The following LRMDA variants were observed in gnomAD, a reference collection of about 807,000 sequenced individuals.
LRMDA encodes leucine-rich melanocyte differentiation-associated protein.
LRMDA carries 18 observed loss-of-function variants against 29.8 expected under a neutral mutation model. The ratio of observed to expected loss-of-function variants is 0.60; its 90% confidence interval spans 0.42 to 0.90. LRMDA has a LOEUF of 0.90. Among genes scored for constraint, LRMDA ranks in the 40% least tolerant of loss-of-function variants. The pLI is 0.00. For missense variants in LRMDA, 273 were observed against 273.9 expected (o/e 1.00, Z 0.02); for synonymous variants, 125 against 109.4 (o/e 1.14, Z -0.89).
Position 75,879,641 on chromosome 10 carries a change from G to A in LRMDA, c.132-156367G>A, listed in dbSNP as rs188243594. Among the ~76,000 whole-genome samples, 275 of 152,222 alleles carry A rather than the reference G, an allele frequency of 1.8e-3. No homozygotes were observed. The Middle Eastern group carries it at 0.02, about 11-fold the overall frequency. ...GCAAGTGACCTCTCATCCTTTGTTG[G>A]TAGTTTTCACACCAGGATTTGGGGT... On this transcript the variant is annotated intron_variant, in intron 2 of 6. Coordinates refer to ENST00000611255, the MANE Select transcript of LRMDA (RefSeq NM_001305581.2).
At chr10:75,674,102 G>C (rs546886265) in intron 2 of LRMDA, among the ~76,000 whole-genome samples, 2 of 152,182 alleles carry the variant, frequency 1.3e-5, no homozygotes, top group Non-Finnish European at 2.9e-5. Flanking sequence ...TTAATGCTGG[G>C]ACTAGTTTTT....
intron 5 of LRMDA, among the ~76,000 whole-genome samples, chr10:76,180,332 C>T (rs1851022629): frequency 7.3e-6 from 1 of 137,024 alleles, no homozygotes; most frequent in Non-Finnish European, 1.5e-5. Flanking sequence ...GTCACCCCGG[C>T]TGGAGTGCAA....
At chr10:76,044,326 G>C (rs1418076019) in intron 3 of LRMDA, among the ~76,000 whole-genome samples, 1 of 152,088 alleles carries the variant, frequency 6.6e-6, no homozygotes, top group Non-Finnish European at 1.5e-5. Flanking sequence ...ATCCAGTCCT[G>C]GGTATTGGAA....
intron 2 of LRMDA, among the ~76,000 whole-genome samples, chr10:75,537,936 T>C (rs1390818899): frequency 6.6e-6 from 1 of 152,190 alleles, no homozygotes; most frequent in South Asian, 2.1e-4. Context: ...CCTAACCGTG[T>C]ATATACCCTG....
intron 2 of LRMDA, among the ~76,000 whole-genome samples, chr10:75,636,581 TAAG>T (rs1466396405): frequency 3.9e-5 from 6 of 152,174 alleles, no homozygotes; most frequent in Non-Finnish European, 5.9e-5. Flanking sequence ...ATTTATAAAA[TAAG>T]AAATAATAAA....
chr10:76,461,961 G>T (rs1018623296), intron 6 of LRMDA, among the ~76,000 whole-genome samples: 5 of 150,702 alleles, frequency 3.3e-5, no homozygotes, highest in Admixed American at 1.3e-4. Flanking sequence ...TGTAGTCCCA[G>T]CTACTTGGTG....
rs747478610 is a variant in LRMDA at position 76,036,028 on chromosome 10, C to T, written c.152C>T (p.Ala51Val). Residue 51 changes from alanine (A) to valine (V), a missense_variant, in exon 3 of 7, where the codon GCA becomes GTA. Ala to Val is a moderately conservative substitution (Grantham distance 64). Transcript: ENST00000611255. ...NLLRSLEGLSAFRSLEELILD... is the reference protein window; with the variant it reads ...NLLRSLEGLSVFRSLEELILD... ...TGCAGGTCACTGGAAGGACTGAGCG[C>T]ATTCAGGAGCCTGGAGGAACTCATC... is the stretch of plus-strand genomic sequence containing the variant. 18 of 1,614,100 alleles carry T rather than the reference C, an allele frequency of 1.1e-5. No homozygotes were observed. Among genetic ancestry groups the T allele is most frequent in the East Asian group, 8.9e-5 (4 of 44,874 alleles).
At chr10:76,447,053 C>CTT (rs56294340) in intron 6 of LRMDA, among the ~76,000 whole-genome samples, 2,669 of 146,030 alleles carry the variant, frequency 0.018, 41 homozygotes, top group African/African-American at 0.038. Context: ...TGATTTCTTT[C>CTT]TTTTTTTTTT....
intron 3 of LRMDA, among the ~76,000 whole-genome samples, chr10:76,038,674 C>T (rs950281716): frequency 1.3e-5 from 2 of 152,188 alleles, no homozygotes; most frequent in African/African-American, 4.8e-5. Context: ...GCCACTTTTT[C>T]AGCTAAATGA....
chr10:75,681,038 G>T (rs1220455727), intron 2 of LRMDA, among the ~76,000 whole-genome samples: 2 of 152,140 alleles, frequency 1.3e-5, no homozygotes, highest in East Asian at 3.9e-4. Context: ...GACCACTATA[G>T]ATTTATCATA....
chr10:75,434,856 G>A lies in LRMDA; in HGVS notation c.30+3102G>A, dbSNP rs182017879. Among the ~76,000 whole-genome samples the A allele has an allele frequency of 1.4e-4, 21 of 152,342 alleles. No individual in the cohort carries two copies. In the East Asian group the frequency reaches 3.5e-3, roughly 25 times the overall value. Reference sequence around the variant, plus strand: ...ACTGTTGACAAACTCATCATCTCCAGAAATGCCCTGGGAGCCAGAGAGTCC... The same window carrying A: ...ACTGTTGACAAACTCATCATCTCCAAAAATGCCCTGGGAGCCAGAGAGTCC... On this transcript the variant is annotated intron_variant, in intron 1 of 6. Transcript: ENST00000611255.
At chr10:75,748,295 T>C (rs981707795) in intron 2 of LRMDA, among the ~76,000 whole-genome samples, 1 of 152,180 alleles carries the variant, frequency 6.6e-6, no homozygotes, top group Non-Finnish European at 1.5e-5. Context: ...GGTTTTACCA[T>C]GTTGGCCAGG....
intron 5 of LRMDA, among the ~76,000 whole-genome samples, chr10:76,267,650 C>T (rs1248085177): frequency 6.6e-6 from 1 of 152,172 alleles, no homozygotes; most frequent in East Asian, 1.9e-4. Flanking sequence ...TTCAGAAATA[C>T]ATTCCTTTTG....
chr10:75,797,466 A>G (rs561190849), intron 2 of LRMDA, among the ~76,000 whole-genome samples: 2 of 152,206 alleles, frequency 1.3e-5, no homozygotes, highest in Non-Finnish European at 2.9e-5. Context: ...ATAAAATCAT[A>G]TAGTTATATA....
intron 2 of LRMDA, chr10:75,883,532 C>T (rs1845328976): frequency 1.3e-5 from 2 of 152,148 alleles, no homozygotes; most frequent in Admixed American, 1.3e-4. Flanking sequence ...TGAGGTCAGC[C>T]TTTTCACCTT....
intron 2 of LRMDA, among the ~76,000 whole-genome samples, chr10:75,718,643 A>G (rs1842530391): frequency 6.6e-6 from 1 of 152,246 alleles, no homozygotes; most frequent in African/African-American, 2.4e-5. Context: ...TAGGTTTTCC[A>G]TCAGAAATCA....
intron 6 of LRMDA, among the ~76,000 whole-genome samples, chr10:76,452,674 G>A (rs1207465721): frequency 1.3e-5 from 2 of 152,174 alleles, no homozygotes; most frequent in Non-Finnish European, 2.9e-5. Context: ...TTGGGGTAAG[G>A]AGTTTGGATT....
At chr10:75,563,233 T>C (rs1251070519) in intron 2 of LRMDA, among the ~76,000 whole-genome samples, 2 of 152,148 alleles carry the variant, frequency 1.3e-5, no homozygotes, top group Non-Finnish European at 2.9e-5. Flanking sequence ...TCGTTTCTTT[T>C]TATTCTTTTT....
chr10:75,863,265 C>T (rs949352301), intron 2 of LRMDA, among the ~76,000 whole-genome samples: 2 of 152,058 alleles, frequency 1.3e-5, no homozygotes, highest in Non-Finnish European at 2.9e-5. Flanking sequence ...AGTTATTGAT[C>T]GGAATTTACA....
Sources: allele counts gnomAD v4.1 joint callset (sites outside exome capture counted in the v4.1 genomes callset), GRCh38; gene constraint gnomAD v4.1.1; transcripts MANE v1.5; gene names NCBI Gene and HGNC (gene_info 2026-07-23, HGNC 2026-07-21).